Variants in ANK2 observed in about 807,000 individuals in gnomAD.
ANK2 encodes the protein ankyrin 2.
ANK2 carries 83 observed loss-of-function variants against 360.5 expected under a neutral mutation model. The ratio of observed to expected loss-of-function variants is 0.23; its 90% confidence interval spans 0.19 to 0.28. ANK2 has a LOEUF of 0.28. ANK2 is among the 10% of genes least tolerant of loss of function. The pLI, the probability that ANK2 is intolerant of heterozygous loss-of-function variation, is 1.00. For missense variants in ANK2, 4,201 were observed against 4,795.7 expected, an observed-to-expected ratio of 0.88 and a Z score of 3.66; for synonymous variants, 1,740 against 1,759.5, an observed-to-expected ratio of 0.99 and a Z score of 0.28.
the ANK2 span, among the ~76,000 whole-genome samples, chr4:112,778,212 C>A: frequency 6.6e-6 from 1 of 151,880 alleles, no homozygotes; most frequent in African/African-American, 2.4e-5. Context: ...TCAAGTGATC[C>A]GCCTGCCTCA....
At chr4:112,754,517 T>TGGG in the ANK2 span, among the ~76,000 whole-genome samples, 49 of 147,840 alleles carry the variant, frequency 3.3e-4, no homozygotes, top group East Asian at 2.8e-3. Flanking sequence ...TTTTTTTTTT[T>TGGG]GGGGGGGCGT....
At chr4:113,008,955 C>T (rs537192006) in intron 2 of ANK2, among the ~76,000 whole-genome samples, 4 of 152,260 alleles carry the variant, frequency 2.6e-5, no homozygotes, top group African/African-American at 9.6e-5. Flanking sequence ...TGCTGATCAG[C>T]TGCTTCACTC....
intron 1 of ANK2, among the ~76,000 whole-genome samples, chr4:113,121,847 G>C (rs1418000941): frequency 2.1e-5 from 3 of 145,340 alleles, no homozygotes; most frequent in Non-Finnish European, 4.5e-5. Flanking sequence ...TCTAGGATAG[G>C]CTTTGGGGAA....
intron 22 of ANK2, among the ~76,000 whole-genome samples, chr4:113,295,919 C>A (rs1426000207): frequency 6.6e-6 from 1 of 152,112 alleles, no homozygotes; most frequent in Non-Finnish European, 1.5e-5. Flanking sequence ...GACTTATTCT[C>A]ATCTATTCTG....
At chr4:113,194,904 G>A (rs1390631285) in intron 2 of ANK2, among the ~76,000 whole-genome samples, 1 of 152,028 alleles carries the variant, frequency 6.6e-6, no homozygotes, top group African/African-American at 2.4e-5. Flanking sequence ...ATAAAATTGA[G>A]AGATATTTAA....
intron 1 of ANK2, among the ~76,000 whole-genome samples, chr4:113,118,816 A>G (rs1424803031): frequency 6.6e-6 from 1 of 152,116 alleles, no homozygotes; most frequent in African/African-American, 2.4e-5. Context: ...TTCTGTGATT[A>G]TATCTTTTTT....
intron 2 of ANK2, among the ~76,000 whole-genome samples, chr4:113,035,958 A>G (rs2061499565): frequency 6.6e-6 from 1 of 151,894 alleles, no homozygotes; most frequent in African/African-American, 2.4e-5. Flanking sequence ...AACTGCCAAA[A>G]CTGTTTTTCA....
At chr4:113,038,519 T>G (rs2062120045) in intron 2 of ANK2, among the ~76,000 whole-genome samples, 1 of 151,964 alleles carries the variant, frequency 6.6e-6, no homozygotes, top group Admixed American at 6.6e-5. Context: ...CTACTTTACT[T>G]GCTGGCCATC....
At chr4:113,056,450 A>T (rs1472213620) in intron 1 of ANK2, among the ~76,000 whole-genome samples, 1 of 152,160 alleles carries the variant, frequency 6.6e-6, no homozygotes, top group African/African-American at 2.4e-5. Context: ...ATGCTAAATT[A>T]TAAATATGCT....
Position 112,973,641 on chromosome 4 carries a change from C to A in ANK2, c.21+69127C>A, listed in dbSNP as rs78023209. ...TGGCTTTCTATGCAAACTTAATAAG[C>A]ATGTTTCTTCTGCTGTAATTTAGGA... On this transcript the variant is annotated intron_variant, in intron 2 of 30. Coordinates refer to the ANK2 transcript ENST00000503271. 5.1e-4 allele frequency among the ~76,000 whole-genome samples: 77 copies of A among 152,314 alleles called. 1 individual carries two copies. The East Asian group carries it at 0.013, about 25-fold the overall frequency.
chr4:113,040,591 C>T (rs917769342), intron 2 of ANK2, among the ~76,000 whole-genome samples: 3 of 152,040 alleles, frequency 2.0e-5, no homozygotes, highest in Non-Finnish European at 4.4e-5. Context: ...AAAGATCTTT[C>T]CTCCCTTAAT....
intron 13 of ANK2, among the ~76,000 whole-genome samples, chr4:113,263,335 G>A (rs770600997): frequency 3.3e-5 from 5 of 150,306 alleles, no homozygotes; most frequent in Non-Finnish European, 5.9e-5. Flanking sequence ...ATAAATATTA[G>A]CATTCCAATG....
chr4:112,742,309 A>G, the ANK2 span, among the ~76,000 whole-genome samples: 2 of 152,178 alleles, frequency 1.3e-5, no homozygotes, highest in African/African-American at 4.8e-5. Flanking sequence ...ATAAAATATG[A>G]TAACTGCTAC....
rs61323147 is a variant in ANK2, at chr4:113,134,020, T to A, written c.85-40396T>A. 2.0e-3 allele frequency among the ~76,000 whole-genome samples: 309 copies of A among 152,074 alleles called. 5 individuals carry two copies. In the East Asian group the frequency reaches 0.045, roughly 22 times the overall value. Reference sequence around the variant, plus strand: ...TGATGTGATTTACACTACAGCAAGGTCCCTAATAATAAGATTACAGGAAGA... The same window carrying A: ...TGATGTGATTTACACTACAGCAAGGACCCTAATAATAAGATTACAGGAAGA... On this transcript the variant is annotated intron_variant, in intron 1 of 45. Coordinates refer to ENST00000357077, the MANE Select transcript of ANK2 (RefSeq NM_001148.6).
At chr4:112,752,663 C>T in the ANK2 span, among the ~76,000 whole-genome samples, 436 of 151,752 alleles carry the variant, frequency 2.9e-3, 1 homozygote, top group Non-Finnish European at 5.3e-3. Context: ...AACCACTGCA[C>T]CTTGCTCTTC....
intron 24 of ANK2, among the ~76,000 whole-genome samples, chr4:113,316,655 A>G (rs2083128533): frequency 6.6e-6 from 1 of 152,204 alleles, no homozygotes; most frequent in Admixed American, 6.5e-5. Context: ...TTGGGCTAAT[A>G]TTTTGAACAC....
intron 43 of ANK2, among the ~76,000 whole-genome samples, chr4:113,370,727 T>A (rs377210877): frequency 1.3e-3 from 192 of 152,158 alleles, no homozygotes; most frequent in African/African-American, 4.3e-3. Flanking sequence ...ACCACTGCAC[T>A]CCAGCCTGGG....
At chr4:112,873,580 A>C in intron 1 of ANK2, among the ~76,000 whole-genome samples, 1 of 145,164 alleles carries the variant, frequency 6.9e-6, no homozygotes, top group Admixed American at 7.0e-5. Flanking sequence ...TCTGTTGCCC[A>C]GGCTGGAGTG....
At chr4:112,743,554 C>CTTTTTTTTTTTTTT in the ANK2 span, among the ~76,000 whole-genome samples, 1 of 105,886 alleles carries the variant, frequency 9.4e-6, no homozygotes, top group African/African-American at 3.7e-5. Context: ...CTTTTCTATC[C>CTTTTTTTTTTTTTT]TTTTTTTTTT....
Sources: allele counts gnomAD v4.1 joint callset (sites outside exome capture counted in the v4.1 genomes callset), GRCh38; gene constraint gnomAD v4.1.1; transcripts MANE v1.5; gene names NCBI Gene and HGNC (gene_info 2026-07-23, HGNC 2026-07-21).